Variants in ABCA1 observed in about 807,000 individuals in gnomAD.
ABCA1 encodes the protein ATP binding cassette subfamily A member 1.
A neutral mutation model predicts 262.5 loss-of-function variants in ABCA1; 133 were observed. The observed-to-expected ratio is 0.51, with a 90% CI of 0.44 to 0.59. The LOEUF is 0.59. Among genes scored for constraint, ABCA1 ranks in the 20% least tolerant of loss-of-function variants. ABCA1 has a pLI of 0.00. For missense variants in ABCA1, 2,452 were observed against 2,777.5 expected (o/e 0.88, Z 2.63); for synonymous variants, 1,022 against 1,043.5 (o/e 0.98, Z 0.40).
At chr9:104,784,643 T>C (rs1828750871) in intron 49 of ABCA1, among the ~76,000 whole-genome samples, 188 bp from the exon 50 acceptor site, 4 of 152,096 alleles carry the variant, frequency 2.6e-5, no homozygotes, top group Admixed American at 1.3e-4. Context: ...AACTTAAAAA[T>C]AGACTTTTTT....
intron 1 of ABCA1, among the ~76,000 whole-genome samples, chr9:104,910,041 A>G (rs915986090): frequency 6.6e-6 from 1 of 152,150 alleles, no homozygotes; most frequent in African/African-American, 2.4e-5. Flanking sequence ...TCCTTCCCGC[A>G]AGAACACTGC....
At position 104,817,704 on chromosome 9, in the gene ABCA1, T is replaced by TAC; in HGVS notation, c.3463-302_3463-301dup. On this transcript the variant is annotated intron_variant, in intron 23 of 49. Transcript: ENST00000374736. The surrounding 1 kb of genome is among the most constrained non-coding windows in gnomAD (Gnocchi z 4.7). ...TGCCAACCATCTCAGGCAAGGCCTT[T>TAC]ACCTGGCTACATGTCTAGTTCAATG... Among the ~76,000 whole-genome samples, 3 of 152,370 alleles carry TAC rather than the reference T, an allele frequency of 2.0e-5. No individual in the cohort carries two copies. In the South Asian group the frequency reaches 6.2e-4, roughly 32 times the overall value.
intron 2 of ABCA1, among the ~76,000 whole-genome samples, chr9:104,901,050 A>C (rs1023904891): frequency 3.3e-5 from 5 of 152,152 alleles, no homozygotes. Flanking sequence ...CTGCAATACC[A>C]AGCAAGAAGC....
intron 1 of ABCA1, among the ~76,000 whole-genome samples, chr9:104,906,909 A>T (rs1841187625): frequency 6.6e-6 from 1 of 152,052 alleles, no homozygotes; most frequent in Non-Finnish European, 1.5e-5. Context: ...GGCCACTCTG[A>T]TCCTGCTCCT....
chr9:104,792,095 A>G (rs1219042767), intron 42 of ABCA1, 97 bp from the exon 43 acceptor site: 4 of 1,081,758 alleles, frequency 3.7e-6, no homozygotes, highest in Non-Finnish European at 5.5e-6. Context: ...ATACACTGCA[A>G]CATAAGACTT....
In ABCA1 at chr9:104,796,410, G is replaced by A. The variant is rs766633836; in HGVS notation, c.5136C>T (p.Val1712=). ...AGATGATAATGACCAGTGTGGCAGG[G>A]ACAACGTAATTGCACTAAAAGTGAA... ...NFVWDMCNYV[V]PATLVIIIFI... is the part of the protein sequence containing the mutation. The change falls in exon 38 of 50, where the codon GTC becomes GTT. Residue 1712 remains valine, a synonymous_variant. Transcript: ENST00000374736. 3 of 1,613,994 alleles carry A rather than the reference G, an allele frequency of 1.9e-6. No homozygotes were observed. The highest frequency in any genetic ancestry group is 2.5e-6 in the Non-Finnish European group (3 of 1,179,940).
Position 104,822,510 on chromosome 9 carries a change from C to T in ABCA1, c.2814G>A (p.Gly938=), listed in dbSNP as rs9282546. The stretch of plus-strand genomic sequence containing the variant: ...CCTCTTCTTACATGGTGGTCGTCTT[C>T]CCCGCTCCATTGTGGCCCAGGAAGG... ...ITSFLGHNGA[G]KTTTMSILTG... is the part of the protein sequence containing the mutation. Residue 938 remains glycine, a synonymous_variant, in exon 19 of 50, where the codon GGG becomes GGA. Coordinates refer to ENST00000374736, the MANE Select transcript of ABCA1 (RefSeq NM_005502.4). 1,462 of 1,613,702 alleles carry T rather than the reference C, an allele frequency of 9.1e-4. 14 individuals carry two copies. The African/African-American group carries it at 0.018, about 20-fold the overall frequency.
intron 7 of ABCA1, among the ~76,000 whole-genome samples, chr9:104,856,440 C>T (rs1263243805): frequency 3.9e-5 from 6 of 152,122 alleles, no homozygotes; most frequent in African/African-American, 9.7e-5. Flanking sequence ...CATAAACCAA[C>T]GCATCCACAA....
intron 14 of ABCA1, among the ~76,000 whole-genome samples, chr9:104,830,614 C>T (rs930636090): frequency 1.3e-5 from 2 of 151,744 alleles, no homozygotes; most frequent in African/African-American, 2.4e-5. Flanking sequence ...AGCTTGAACC[C>T]GGGAGGCAAA....
Position 104,806,237 on chromosome 9 carries a change from T to C in ABCA1, c.4464+4A>G. 1 of 1,612,528 alleles carries C rather than the reference T, an allele frequency of 6.2e-7. No homozygotes were observed. The highest frequency in any genetic ancestry group is 1.3e-5 in the African/African-American group (1 of 74,958). ...TGCCCAATCACCCCCTGAAAGTGAC[T>C]CACTTGTGGAGGAGGCAGCCCCCCT... On this transcript the variant is annotated splice_donor_region_variant and intron_variant, in intron 31 of 49. Coordinates refer to ENST00000374736, the MANE Select transcript of ABCA1 (RefSeq NM_005502.4).
At chr9:104,788,849 A>AC (rs1175000246) in intron 44 of ABCA1, among the ~76,000 whole-genome samples, 2 of 152,134 alleles carry the variant, frequency 1.3e-5, no homozygotes, top group African/African-American at 2.4e-5. Context: ...CATGCCAACC[A>AC]CTGCACATTC....
chr9:104,926,062 G>C (rs1348193955), intron 1 of ABCA1, among the ~76,000 whole-genome samples: 2 of 151,948 alleles, frequency 1.3e-5, no homozygotes, highest in Non-Finnish European at 2.9e-5. Context: ...TCTTTAACTT[G>C]GGGGAAATTT....
intron 7 of ABCA1, among the ~76,000 whole-genome samples, chr9:104,852,490 C>A (rs1835457060): frequency 2.6e-5 from 4 of 152,120 alleles, no homozygotes; most frequent in Non-Finnish European, 5.9e-5. Context: ...CATCTACTAC[C>A]ACATAATTCA....
intron 37 of ABCA1, among the ~76,000 whole-genome samples, chr9:104,797,986 A>C (rs72732668): frequency 6.6e-6 from 1 of 152,254 alleles, no homozygotes; most frequent in African/African-American, 2.4e-5. Flanking sequence ...GCACAAAAAC[A>C]TATTTGCAAT....
At chr9:104,860,355 C>G (rs989271069) in intron 6 of ABCA1, among the ~76,000 whole-genome samples, 7 of 152,174 alleles carry the variant, frequency 4.6e-5, no homozygotes, top group African/African-American at 1.4e-4. Flanking sequence ...CTTTCAAAAG[C>G]CTGATGCCTT....
intron 2 of ABCA1, among the ~76,000 whole-genome samples, chr9:104,900,507 A>T (rs1840580894): frequency 6.6e-6 from 1 of 152,216 alleles, no homozygotes; most frequent in Non-Finnish European, 1.5e-5. Flanking sequence ...ATGTGAGCTA[A>T]CAAGTGGCCC....
chr9:104,837,446 T>C lies in ABCA1; in HGVS notation c.1176A>G (p.Thr392=). The C allele has an allele frequency of 5.0e-6, 8 of 1,614,042 alleles. No individual in the cohort carries two copies. Among genetic ancestry groups the C allele is most frequent in the Non-Finnish European group, 6.8e-6 (8 of 1,179,928 alleles). The change falls in exon 10 of 50, where the codon ACA becomes ACG. Residue 392 remains threonine, a synonymous_variant. Coordinates refer to ENST00000374736, the MANE Select transcript of ABCA1 (RefSeq NM_005502.4). ...AGCTTACCTCAGCCATGACCTGCCT[T>C]GTGGCTGGAGTGTCAGGTGTATACA... ...KILYTPDTPA[T]RQVMAEVNKT...
chr9:104,832,791 G>A lies in ABCA1; in HGVS notation c.1312-20C>T, dbSNP rs1833460432. 1 of 1,611,946 alleles carries A rather than the reference G, an allele frequency of 6.2e-7. No individual in the cohort carries two copies. Among genetic ancestry groups the A allele is most frequent in the Non-Finnish European group, 8.5e-7 (1 of 1,178,068 alleles). On this transcript the variant is annotated intron_variant, in intron 11 of 49. Coordinates refer to ENST00000374736, the MANE Select transcript of ABCA1 (RefSeq NM_005502.4). Reference sequence around the variant, plus strand: ...CAGCATCTGCCATTCCAGTGAGAAAGTACAAGTAGTAAACACCAACTAAAT... The same window carrying A: ...CAGCATCTGCCATTCCAGTGAGAAAATACAAGTAGTAAACACCAACTAAAT...
chr9:104,840,921 T>C (rs1015614882), intron 8 of ABCA1, among the ~76,000 whole-genome samples: 4 of 147,450 alleles, frequency 2.7e-5, no homozygotes, highest in African/African-American at 1.0e-4. Context: ...TTCCAGTTTA[T>C]AGATAAAAGA....
Sources: gnomAD v4.1 joint callset for allele counts (sites outside exome capture counted in the v4.1 genomes callset) on GRCh38, gnomAD v4.1.1 for gene constraint, Gnocchi (gnomAD v3.1) non-coding constraint, MANE v1.5 for transcripts, NCBI Gene and HGNC (gene_info 2026-07-23, HGNC 2026-07-21) for gene names.